The following DLGAP2 variants were observed in gnomAD, a reference collection of about 807,000 sequenced individuals.
DLGAP2 encodes DLG associated protein 2, also known as disks large-associated protein 2.
Under a neutral mutation model 100.3 loss-of-function variants are expected in DLGAP2, and 26 were observed. The ratio of observed to expected loss-of-function variants is 0.26; its 90% CI spans 0.19 to 0.36. DLGAP2 has a LOEUF of 0.36. Among genes scored for constraint, DLGAP2 ranks in the 10% least tolerant of loss-of-function variants. The pLI, the probability that DLGAP2 is intolerant of heterozygous loss-of-function variation, is 1.00. For missense variants in DLGAP2, 1,858 were observed against 1,453.2 expected, an observed-to-expected ratio of 1.28 and a Z score of -4.53; for synonymous variants, 886 against 630.1, an observed-to-expected ratio of 1.41 and a Z score of -6.08.
intron 1 of DLGAP2, among the ~76,000 whole-genome samples, chr8:870,084 A>AT (rs945116132): frequency 4.6e-4 from 69 of 151,598 alleles, no homozygotes; most frequent in African/African-American, 1.5e-3. Context: ...ACATTTAACC[A>AT]TTTTGTAGCT....
At chr8:1,669,594 C>G (rs1798637369) in intron 9 of DLGAP2, 149 bp from the exon 10 acceptor site, 7 of 670,970 alleles carry the variant, frequency 1.0e-5, no homozygotes, top group Non-Finnish European at 1.6e-5. Flanking sequence ...CTGGGGCGGC[C>G]CAGGGAGGAG....
chr8:1,624,793 T>C (rs1188830331), intron 6 of DLGAP2, among the ~76,000 whole-genome samples: 1 of 151,816 alleles, frequency 6.6e-6, no homozygotes, highest in Non-Finnish European at 1.5e-5. Context: ...GACTGTGTGC[T>C]TCATACCCAG....
chr8:1,477,928 C>G (rs906391645), intron 3 of DLGAP2, among the ~76,000 whole-genome samples: 5 of 152,112 alleles, frequency 3.3e-5, no homozygotes, highest in African/African-American at 9.7e-5. Flanking sequence ...ACCTGTCAGT[C>G]TGGTGGAAAA....
intron 8 of DLGAP2, among the ~76,000 whole-genome samples, chr8:1,640,219 G>A (rs1016202917): frequency 6.6e-6 from 1 of 152,124 alleles, no homozygotes; most frequent in African/African-American, 2.4e-5. Context: ...TCCTGATGAA[G>A]AGGAGCCAAA....
intron 14 of DLGAP2, among the ~76,000 whole-genome samples, chr8:1,698,209 G>A (rs186756526): frequency 7.2e-5 from 11 of 152,320 alleles, no homozygotes; most frequent in South Asian, 2.1e-4. Flanking sequence ...CATCCCAGAC[G>A]ACAGGGGAGT....
At chr8:1,368,145 G>A (rs1469300290) in intron 3 of DLGAP2, among the ~76,000 whole-genome samples, 1 of 152,146 alleles carries the variant, frequency 6.6e-6, no homozygotes. Flanking sequence ...GCATGTGTAT[G>A]TATTTGTAGT....
intron 2 of DLGAP2, among the ~76,000 whole-genome samples, chr8:1,085,650 A>G (rs972413655): frequency 6.6e-6 from 1 of 152,070 alleles, no homozygotes; most frequent in African/African-American, 2.4e-5. Context: ...TGCCTGTGTG[A>G]TGCTTTTGTA....
chr8:990,419 ACCCC>A (rs1304209777), intron 2 of DLGAP2, among the ~76,000 whole-genome samples: 5 of 42,866 alleles, frequency 1.2e-4, no homozygotes, highest in African/African-American at 4.0e-4. Context: ...CCTTGCCCAG[ACCCC>A]CTGCACCCCC....
chr8:1,529,554 A>G lies in DLGAP2; in HGVS notation c.173-19072A>G, dbSNP rs571416051. 4.0e-4 allele frequency among the ~76,000 whole-genome samples: 61 copies of G among 152,328 alleles called. 1 individual carries two copies. The South Asian group carries it at 0.012, about 31-fold the overall frequency. ...ATAGAAAGCACCAAAAATATTAATT[A>G]CCCAAAGAGAGTGAGTCACCAGGTG... On this transcript the variant is annotated intron_variant, in intron 4 of 14. Transcript: ENST00000637795.
rs551619004 is a variant in DLGAP2 at position 805,993 on chromosome 8, C to T, written c.18+68168C>T. Among the ~76,000 whole-genome samples the T allele has an allele frequency of 7.9e-5, 12 of 152,304 alleles. No homozygotes were observed. In the South Asian group the frequency reaches 1.0e-3, roughly 13 times the overall value. On this transcript the variant is annotated intron_variant, in intron 1 of 14. Transcript: ENST00000637795. The stretch of plus-strand genomic sequence containing the variant: ...TGCTGGGTTTCCCATCTAGCCCTTC[C>T]GTTTTGAGGAAGAAAAAGATAGAAT...
chr8:1,431,437 C>G (rs1797434237), intron 3 of DLGAP2, among the ~76,000 whole-genome samples: 1 of 152,350 alleles, frequency 6.6e-6, no homozygotes, highest in Non-Finnish European at 1.5e-5. Context: ...GTTCCGTTGG[C>G]TGACCAGGTA....
intron 2 of DLGAP2, among the ~76,000 whole-genome samples, chr8:953,428 G>A (rs997933321): frequency 6.6e-6 from 1 of 152,088 alleles, no homozygotes; most frequent in African/African-American, 2.4e-5. Context: ...TCCTGACGTC[G>A]TGATCCACCC....
chr8:1,124,473 C>G (rs1796121248), intron 2 of DLGAP2, among the ~76,000 whole-genome samples: 1 of 152,186 alleles, frequency 6.6e-6, no homozygotes, highest in Admixed American at 6.5e-5. Flanking sequence ...GCCACCATGA[C>G]TTGGCTAATG....
intron 1 of DLGAP2, among the ~76,000 whole-genome samples, chr8:761,718 C>A (rs1821088636): frequency 6.6e-6 from 1 of 152,154 alleles, no homozygotes; most frequent in Non-Finnish European, 1.5e-5. Flanking sequence ...TAGAAGACGG[C>A]CCGAAACGCG....
At chr8:1,243,191 C>A (rs191755289) in intron 2 of DLGAP2, among the ~76,000 whole-genome samples, 91 of 152,246 alleles carry the variant, frequency 6.0e-4, no homozygotes, top group Non-Finnish European at 8.5e-4. Flanking sequence ...GTGGACACAC[C>A]AGGGGAGTGA....
At chr8:1,255,636 C>CCCT (rs1799184624) in intron 2 of DLGAP2, among the ~76,000 whole-genome samples, 5 of 65,572 alleles carry the variant, frequency 7.6e-5, no homozygotes, top group South Asian at 6.4e-4. Flanking sequence ...GTGTGTGTGT[C>CCCT]CTCATCCTGC....
rs1044852773 is a variant in DLGAP2, at chr8:1,293,054, G to A, written c.106+34171G>A. 2.6e-5 allele frequency among the ~76,000 whole-genome samples: 4 copies of A among 152,232 alleles called. No homozygotes were observed. The East Asian group carries it at 7.7e-4, about 29-fold the overall frequency. Reference sequence around the variant, plus strand: ...CCAGGCCTTTGAGTCCAAAGCAGCTGGAGTAAGTCAACCTGACCCACAAGT... The same window carrying A: ...CCAGGCCTTTGAGTCCAAAGCAGCTAGAGTAAGTCAACCTGACCCACAAGT... On this transcript the variant is annotated intron_variant, in intron 3 of 14. Coordinates refer to ENST00000637795, the MANE Select transcript of DLGAP2 (RefSeq NM_001346810.2).
intron 2 of DLGAP2, among the ~76,000 whole-genome samples, chr8:970,955 G>A (rs74326091): frequency 0.018 from 2,674 of 152,264 alleles, 79 homozygotes; most frequent in African/African-American, 0.061. Context: ...TAGAATGCAA[G>A]TGAAGAAAAT....
intron 1 of DLGAP2, among the ~76,000 whole-genome samples, chr8:800,700 G>GTC (rs1242496147): frequency 3.9e-5 from 6 of 152,120 alleles, no homozygotes; most frequent in Non-Finnish European, 8.8e-5. Context: ...ATGTGTGCAT[G>GTC]TGTGTGTCTG....
Sources: allele counts gnomAD v4.1 joint callset (sites outside exome capture counted in the v4.1 genomes callset), GRCh38; gene constraint gnomAD v4.1.1; transcripts MANE v1.5; gene names NCBI Gene and HGNC (gene_info 2026-07-23, HGNC 2026-07-21).